Variants in ZNF106 observed in about 807,000 individuals in gnomAD.
ZNF106 encodes the protein zinc finger protein 106, also known as SH3-domain binding protein 3.
In ZNF106, 67 loss-of-function variants were observed where a neutral mutation model predicts 195.1. That is an observed-to-expected ratio of 0.34 (90% CI 0.28 to 0.42). The LOEUF (loss-of-function observed/expected upper bound fraction) is 0.42, where lower values mean the gene tolerates loss of function less well. Among genes scored for constraint, ZNF106 ranks in the 10% least tolerant of loss-of-function variants. ZNF106 has a pLI of 1.00. For missense variants in ZNF106, 2,118 were observed against 2,304.5 expected, an observed-to-expected ratio of 0.92 and a Z score of 1.66; for synonymous variants, 784 against 818.6, an observed-to-expected ratio of 0.96 and a Z score of 0.72.
intron 1 of ZNF106, among the ~76,000 whole-genome samples, chr15:42,487,837 C>T (rs2057050478): frequency 6.6e-6 from 1 of 152,164 alleles, no homozygotes; most frequent in African/African-American, 2.4e-5. Context: ...CTTTCTGTCT[C>T]TATGATTTTG....
At chr15:42,422,714 T>C in intron 17 of ZNF106, 94 bp from the exon 18 acceptor site, 2 of 1,293,442 alleles carry the variant, frequency 1.5e-6, no homozygotes, top group East Asian at 2.4e-5. Context: ...ATTCTGAGGA[T>C]ACTGTACACA....
chr15:42,442,001 T>G (rs1197028313), intron 10 of ZNF106, 72 bp downstream of exon 10: 1 of 1,249,954 alleles, frequency 8.0e-7, no homozygotes, highest in Non-Finnish European at 1.1e-6. Flanking sequence ...CAAGTATGGC[T>G]TATATCACTC....
chr15:42,432,382 C>T, intron 14 of ZNF106, among the ~76,000 whole-genome samples: 1 of 151,840 alleles, frequency 6.6e-6, no homozygotes, highest in East Asian at 1.9e-4. Context: ...TGGTCTGGAA[C>T]TTACAGTCTC....
chr15:42,490,229 C>CA (rs746605191), intron 1 of ZNF106: 17,592 of 131,238 alleles, frequency 0.13, 1,143 homozygotes, highest in Non-Finnish European at 0.17. Context: ...AACTTTGTCT[C>CA]AAAAAAAAAA....
chr15:42,438,611 C>T lies in ZNF106; in HGVS notation c.4600+1G>A, dbSNP rs1349865685. The T allele has an allele frequency of 1.9e-6, 3 of 1,612,824 alleles. No homozygotes were observed. The highest frequency in any genetic ancestry group is 1.7e-5 in the Admixed American group (1 of 59,948). On this transcript the variant is annotated splice_donor_variant, in intron 12 of 21. Coordinates refer to ENST00000564754, the MANE Select transcript of ZNF106 (RefSeq NM_001366845.3). LOFTEE classifies it high-confidence loss of function. ...CTTAAATAAAACTGAACAGCAAATA[C>T]CTGAAGAATTCTTTGATCCTTTTAT...
chr15:42,433,352 A>G (rs1331732924), intron 14 of ZNF106, among the ~76,000 whole-genome samples: 1 of 151,392 alleles, frequency 6.6e-6, no homozygotes, highest in South Asian at 2.1e-4. Context: ...TGATCCGCCC[A>G]CCTCGGCCTC....
intron 2 of ZNF106, among the ~76,000 whole-genome samples, chr15:42,469,972 C>T (rs2056628033): frequency 1.3e-5 from 2 of 151,750 alleles, no homozygotes; most frequent in Admixed American, 6.6e-5. Context: ...TCTATTTAGG[C>T]CTTGTATATT....
Position 42,439,665 on chromosome 15 carries a change from A to G in ZNF106, c.3912T>C (p.Ser1304=). Residue 1304 remains serine, a synonymous_variant, in exon 11 of 22, where the codon TCT becomes TCC. Transcript: ENST00000564754. ...RNTRNRENSP[S]SQSAGLSSIN... is the part of the protein sequence containing the mutation. ...TGCTAGAAAGACCAGCTGATTGGGAAGAGGGAGAGTTTTCTCTGTTTCTGG... is the reference window on the plus strand; with the variant it reads ...TGCTAGAAAGACCAGCTGATTGGGAGGAGGGAGAGTTTTCTCTGTTTCTGG... The G allele has an allele frequency of 6.2e-7, 1 of 1,614,030 alleles. No homozygotes were observed. The highest frequency in any genetic ancestry group is 8.5e-7 in the Non-Finnish European group (1 of 1,179,982).
intron 2 of ZNF106, among the ~76,000 whole-genome samples, chr15:42,469,678 CA>C (rs749356164): frequency 1.3e-5 from 2 of 150,744 alleles, no homozygotes; most frequent in African/African-American, 2.4e-5. Context: ...ATCATCCCTA[CA>C]AAAAAAAATT....
intron 1 of ZNF106, among the ~76,000 whole-genome samples, chr15:42,478,277 C>T (rs111465215): frequency 0.029 from 4,369 of 152,176 alleles, 227 homozygotes; most frequent in African/African-American, 0.1. Flanking sequence ...AATTCTCCTG[C>T]CACAGCCTCC....
intron 8 of ZNF106, 91 bp from the exon 9 acceptor site, chr15:42,444,353 A>C (rs1489387942): frequency 1.0e-6 from 1 of 1,003,458 alleles, no homozygotes; most frequent in Non-Finnish European, 1.5e-6. Flanking sequence ...CTGACCAAAA[A>C]TCAGAGTGTC....
At chr15:42,469,044 G>A (rs961422860) in intron 2 of ZNF106, among the ~76,000 whole-genome samples, 4 of 151,918 alleles carry the variant, frequency 2.6e-5, no homozygotes, top group African/African-American at 9.7e-5. Flanking sequence ...AATTAGCTGG[G>A]CGTGGTGGCG....
At chr15:42,417,394 A>G in intron 21 of ZNF106, 34 bp from the exon 22 acceptor site, 1 of 1,612,148 alleles carries the variant, frequency 6.2e-7, no homozygotes, top group Non-Finnish European at 8.5e-7. Flanking sequence ...CATGAGAGAG[A>G]AGTCGATAGT....
At chr15:42,472,705 A>G (rs569405795) in intron 1 of ZNF106, among the ~76,000 whole-genome samples, 67 of 152,280 alleles carry the variant, frequency 4.4e-4, no homozygotes, top group African/African-American at 1.6e-3. Context: ...TTAGAATAAG[A>G]TTCTTTTAAA....
chr15:42,462,691 A>T (rs1021156361), intron 3 of ZNF106, among the ~76,000 whole-genome samples: 1 of 152,238 alleles, frequency 6.6e-6, no homozygotes, highest in African/African-American at 2.4e-5. Context: ...AGAGAGAAAT[A>T]GGATTTAGAG....
At chr15:42,461,656 ATTGCTTAT>A (rs1452298510) in intron 3 of ZNF106, among the ~76,000 whole-genome samples, 1 of 152,240 alleles carries the variant, frequency 6.6e-6, no homozygotes, top group East Asian at 1.9e-4. Context: ...CCAGTTACTT[ATTGCTTAT>A]TCAAGCTTGC....
chr15:42,415,574 G>A lies in ZNF106; in HGVS notation c.*1730C>T. ...ATAAACCCCCTGGTGAAGTCCCCCTGCCCGATAGCCTGAGGGAAGACATGT... is the reference window on the plus strand; with the variant it reads ...ATAAACCCCCTGGTGAAGTCCCCCTACCCGATAGCCTGAGGGAAGACATGT... On this transcript the variant is annotated 3_prime_UTR_variant, in exon 22 of 22. Transcript: ENST00000564754. 2.3e-6 allele frequency: 1 copy of A among 438,864 alleles called. No homozygotes were observed. Among genetic ancestry groups the A allele is most frequent in the Non-Finnish European group, 4.6e-6 (1 of 218,502 alleles). 27.2% of individuals were successfully genotyped at this position (438,864 alleles called of 1,614,324 possible).
chr15:42,474,170 A>AG (rs2056737563), intron 1 of ZNF106, among the ~76,000 whole-genome samples: 1 of 152,194 alleles, frequency 6.6e-6, no homozygotes, highest in African/African-American at 2.4e-5. Context: ...ACACAATACA[A>AG]GAGTTGTTTT....
intron 6 of ZNF106, 38 bp from the exon 7 acceptor site, chr15:42,446,696 TA>T: frequency 6.6e-7 from 1 of 1,508,602 alleles, no homozygotes; most frequent in South Asian, 1.2e-5. Context: ...ATCCAATGTG[TA>T]AAAGCCATTA....
Sources: gnomAD v4.1 joint callset for allele counts (sites outside exome capture counted in the v4.1 genomes callset) on GRCh38, gnomAD v4.1.1 for gene constraint, MANE v1.5 for transcripts, NCBI Gene and HGNC (gene_info 2026-07-23, HGNC 2026-07-21) for gene names.